The following ARFGEF1 variants were observed in gnomAD, a reference collection of about 807,000 sequenced individuals.
ARFGEF1 encodes brefeldin A-inhibited guanine nucleotide-exchange protein 1.
Under a neutral mutation model 231.0 loss-of-function variants are expected in ARFGEF1, and 42 were observed. The observed-to-expected ratio is 0.18, with a 90% CI of 0.14 to 0.24. The LOEUF (loss-of-function observed/expected upper bound fraction) is 0.24. ARFGEF1 is among the 10% of genes least tolerant of loss of function. The pLI is 1.00. For synonymous variants in ARFGEF1, 710 were observed against 732.3 expected (o/e 0.97, Z 0.49); for missense variants, 1,345 against 2,192.0 (o/e 0.61, Z 7.72).
intron 5 of ARFGEF1, among the ~76,000 whole-genome samples, chr8:67,187,015 A>ATCT (rs1554622825): frequency 7.0e-5 from 10 of 142,976 alleles, no homozygotes; most frequent in African/African-American, 2.4e-4. Flanking sequence ...CTATCTATCT[A>ATCT]ATCTATCTAT....
At chr8:67,308,435 G>C (rs1038229714) in intron 1 of ARFGEF1, among the ~76,000 whole-genome samples, 1 of 152,194 alleles carries the variant, frequency 6.6e-6, no homozygotes, top group African/African-American at 2.4e-5. Flanking sequence ...TTAATGTGTT[G>C]TGAAAATCTA....
rs77401644 is a variant in ARFGEF1 at position 67,249,901 on chromosome 8, C to T, written c.2850+1398G>A. On this transcript the variant is annotated intron_variant, in intron 19 of 38. Transcript: ENST00000262215. ...CCTCCCGAAGTGCTGGGAATACAGG[C>T]GTAAGCCACCGTGCCTAGCTGAGAG... 1.6e-3 allele frequency among the ~76,000 whole-genome samples: 247 copies of T among 152,288 alleles called. 3 individuals carry two copies. The East Asian group carries it at 0.041, about 25-fold the overall frequency.
At chr8:67,188,221 G>C (rs1360742854) in intron 5 of ARFGEF1, among the ~76,000 whole-genome samples, 1 of 152,184 alleles carries the variant, frequency 6.6e-6, no homozygotes, top group Non-Finnish European at 1.5e-5. Flanking sequence ...AAAAGATTCA[G>C]CAAGACTTGC....
intron 27 of ARFGEF1, among the ~76,000 whole-genome samples, chr8:67,226,484 G>C (rs543610273): frequency 6.6e-6 from 1 of 152,106 alleles, no homozygotes; most frequent in East Asian, 1.9e-4. Flanking sequence ...TAACCTCTCT[G>C]TATCTCGGTT....
chr8:67,217,120 C>G (rs369879542), intron 32 of ARFGEF1, among the ~76,000 whole-genome samples: 1 of 151,728 alleles, frequency 6.6e-6, no homozygotes, highest in East Asian at 1.9e-4. Flanking sequence ...GCCTGACCAA[C>G]GTGGAGAAAC....
intron 23 of ARFGEF1, among the ~76,000 whole-genome samples, chr8:67,229,384 T>C (rs541876350): frequency 1.4e-3 from 207 of 152,170 alleles, no homozygotes; most frequent in African/African-American, 4.9e-3. Context: ...GTTCTGAGTA[T>C]ATCATGATTT....
At chr8:67,324,879 T>C (rs1324042722) in intron 1 of ARFGEF1, among the ~76,000 whole-genome samples, 2 of 151,432 alleles carry the variant, frequency 1.3e-5, no homozygotes, top group African/African-American at 4.9e-5. Flanking sequence ...TACAAAACAT[T>C]AGGTTAACCC....
At chr8:67,193,628 T>C (rs1237430063), downstream of ARFGEF1, 6 of 1,596,370 alleles carry the variant, frequency 3.8e-6, no homozygotes, top group East Asian at 4.5e-5. Flanking sequence ...TAATGGCCTA[T>C]AGTAGAATCC....
intron 1 of ARFGEF1, among the ~76,000 whole-genome samples, chr8:67,309,654 A>G (rs1174398910): frequency 1.3e-5 from 2 of 152,230 alleles, no homozygotes; most frequent in African/African-American, 4.8e-5. Context: ...AACTGGTTAG[A>G]AGAAACAAAC....
At chr8:67,202,863 T>TA (rs935335408) in intron 36 of ARFGEF1, among the ~76,000 whole-genome samples, 2 of 152,084 alleles carry the variant, frequency 1.3e-5, no homozygotes, top group African/African-American at 4.8e-5. Flanking sequence ...GTAAGTCAAA[T>TA]AATAGACCAA....
rs920445556 is a variant in ARFGEF1, at chr8:67,275,913, C to G, written c.1337+63G>C. 5.0e-6 allele frequency: 8 copies of G among 1,591,046 alleles called. No homozygotes were observed. The African/African-American group carries it at 6.8e-5, about 13-fold the overall frequency. On this transcript the variant is annotated intron_variant, in intron 9 of 38. Coordinates refer to ENST00000262215, the MANE Select transcript of ARFGEF1 (RefSeq NM_006421.5). ...AGAACAAAAGAAAATCCAAACATTA[C>G]CTTAACAGTAAGTTTCAAGCCTAAA... is the stretch of plus-strand genomic sequence containing the variant.
chr8:67,231,775 T>C (rs1373469861), intron 23 of ARFGEF1, among the ~76,000 whole-genome samples: 1 of 152,066 alleles, frequency 6.6e-6, no homozygotes, highest in Non-Finnish European at 1.5e-5. Flanking sequence ...ATTTAATCTT[T>C]TTCTGTCTCA....
At chr8:67,274,497 CT>C (rs1347080182) in intron 9 of ARFGEF1, among the ~76,000 whole-genome samples, 1 of 151,992 alleles carries the variant, frequency 6.6e-6, no homozygotes, top group East Asian at 1.9e-4. Context: ...AAGTATAAGG[CT>C]TGTTAATTTA....
intron 7 of ARFGEF1, among the ~76,000 whole-genome samples, chr8:67,278,248 T>C (rs190631995): frequency 6.6e-6 from 1 of 152,312 alleles, no homozygotes; most frequent in African/African-American, 2.4e-5. Context: ...TCTGAAATAT[T>C]AAAGACCTGT....
At chr8:67,298,511 C>G (rs1274951729) in intron 4 of ARFGEF1, among the ~76,000 whole-genome samples, 1 of 152,188 alleles carries the variant, frequency 6.6e-6, no homozygotes, top group Admixed American at 6.5e-5. Flanking sequence ...AGAGGACAAG[C>G]TATGAAAGGT....
intron 1 of ARFGEF1, among the ~76,000 whole-genome samples, chr8:67,333,190 A>C (rs1201359898): frequency 6.6e-6 from 1 of 151,898 alleles, no homozygotes; most frequent in Non-Finnish European, 1.5e-5. Flanking sequence ...ACGCACCACC[A>C]CAGCCAGCTA....
At chr8:67,217,752 T>C (rs113169814) in intron 32 of ARFGEF1, 30 bp downstream of exon 32, 1 of 1,605,254 alleles carries the variant, frequency 6.2e-7, no homozygotes, top group African/African-American at 1.3e-5. Flanking sequence ...TATACAAATA[T>C]AAATGTAAAG....
intron 35 of ARFGEF1, among the ~76,000 whole-genome samples, 167 bp from the exon 36 acceptor site, chr8:67,203,418 G>A (rs149585234): frequency 2.4e-4 from 36 of 152,210 alleles, no homozygotes; most frequent in Admixed American, 5.2e-4. Flanking sequence ...ACGCATCCTC[G>A]TCCCCAAGCA....
At chr8:67,207,300 C>T (rs928983661) in intron 34 of ARFGEF1, 5 of 152,194 alleles carry the variant, frequency 3.3e-5, no homozygotes, top group Admixed American at 2.6e-4. Flanking sequence ...CTATTTTCAT[C>T]AGTTCCAACG....
Sources: gnomAD v4.1 joint callset for allele counts (sites outside exome capture counted in the v4.1 genomes callset) on GRCh38, gnomAD v4.1.1 for gene constraint, MANE v1.5 for transcripts, NCBI Gene and HGNC (gene_info 2026-07-23, HGNC 2026-07-21) for gene names.